The following AKAP9 variants were observed in gnomAD, a reference collection of about 807,000 sequenced individuals.
The protein encoded by AKAP9 is A-kinase anchor protein 9.
AKAP9 carries 311 observed loss-of-function variants against 488.5 expected under a neutral mutation model. That is an observed-to-expected ratio of 0.64 (90% CI 0.58 to 0.70). The LOEUF is 0.70. AKAP9 is among the 30% of genes least tolerant of loss of function. AKAP9 has a pLI of 0.00. For synonymous variants in AKAP9, 1,462 were observed against 1,483.5 expected (o/e 0.99, Z 0.33); for missense variants, 4,215 against 4,374.5 (o/e 0.96, Z 1.03).
chr7:92,092,944 C>G, intron 38 of AKAP9, 153 bp from the exon 39 acceptor site: 1 of 667,438 alleles, frequency 1.5e-6, no homozygotes, highest in South Asian at 1.9e-5. Flanking sequence ...AGCCACCATG[C>G]CTGGACTGCA....
intron 16 of AKAP9, among the ~76,000 whole-genome samples, chr7:92,034,497 T>G (rs1337202906): frequency 8.1e-5 from 6 of 74,038 alleles, no homozygotes; most frequent in African/African-American, 1.7e-4. Flanking sequence ...TATATATATA[T>G]ATTTTTTTTT....
intron 8 of AKAP9, among the ~76,000 whole-genome samples, chr7:92,004,790 C>T (rs935565223): frequency 1.3e-5 from 2 of 152,278 alleles, no homozygotes; most frequent in African/African-American, 4.8e-5. Flanking sequence ...TCCTCTTTTC[C>T]TAATTGAATA....
intron 3 of AKAP9, among the ~76,000 whole-genome samples, 162 bp downstream of exon 3, chr7:91,980,495 CT>C (rs60385804): frequency 4.1e-5 from 2 of 48,756 alleles, no homozygotes; most frequent in East Asian, 7.1e-4. Flanking sequence ...GTATTACTGA[CT>C]TTTTTTTTTT....
intron 35 of AKAP9, 36 bp downstream of exon 35, chr7:92,084,976 A>G (rs1814266735): frequency 2.5e-6 from 4 of 1,606,596 alleles, no homozygotes; most frequent in Admixed American, 1.7e-5. Context: ...TAACTCAGCC[A>G]GTGTTGTTTC....
chr7:92,005,142 C>A (rs1358570959), intron 8 of AKAP9, among the ~76,000 whole-genome samples: 2 of 152,170 alleles, frequency 1.3e-5, no homozygotes, highest in African/African-American at 4.8e-5. Context: ...GTATGTTGAA[C>A]CAGCCTTGCA....
At position 91,994,735 on chromosome 7, in the gene AKAP9, T is replaced by A. The variant is rs779570851; in HGVS notation, c.691T>A (p.Leu231Met). The A allele has an allele frequency of 1.2e-6, 2 of 1,612,482 alleles. No homozygotes were observed. The highest frequency in any genetic ancestry group is 2.7e-5 in the African/African-American group (2 of 74,942). The change falls in exon 6 of 50, where the codon TTG becomes ATG. Residue 231 changes from leucine (L) to methionine (M), a missense_variant. Leu to Met is a conservative substitution (Grantham distance 15). Around this residue, in one of 5 missense-constraint regions of AKAP9, gnomAD observed 2,361 missense variants for 2,430.0 expected, o/e 0.97. Transcript: ENST00000356239. ...TGAGACAATGAGAGAATTTTTAGAG[T>A]TGACAGAACAGAGTCAAAAATTACA... Reference protein sequence around the residue: ...KDETMREFLELTEQSQKLQIQ... With the variant: ...KDETMREFLEMTEQSQKLQIQ...
At chr7:92,049,824 T>A (rs1209272282) in intron 21 of AKAP9, among the ~76,000 whole-genome samples, 1 of 152,074 alleles carries the variant, frequency 6.6e-6, no homozygotes, top group African/African-American at 2.4e-5. Flanking sequence ...TGTCTATTTT[T>A]AAAAATTAGC....
intron 30 of AKAP9, among the ~76,000 whole-genome samples, chr7:92,078,336 T>C (rs1812967579): frequency 6.6e-6 from 1 of 152,102 alleles, no homozygotes; most frequent in Non-Finnish European, 1.5e-5. Context: ...TAAGACACAT[T>C]GGTGGCCAGG....
intron 22 of AKAP9, among the ~76,000 whole-genome samples, chr7:92,054,498 T>TA (rs1808457758): frequency 6.6e-6 from 1 of 152,050 alleles, no homozygotes; most frequent in Non-Finnish European, 1.5e-5. Context: ...TCTGACATGT[T>TA]AGAGTGTGGT....
chr7:91,994,255 A>G (rs1798123142), intron 5 of AKAP9, among the ~76,000 whole-genome samples: 1 of 152,228 alleles, frequency 6.6e-6, no homozygotes. Flanking sequence ...ATGAAGTAGG[A>G]CATTGATGAG....
At chr7:91,974,096 T>C (rs1795390482) in intron 2 of AKAP9, 128 bp downstream of exon 2, 1 of 1,102,418 alleles carries the variant, frequency 9.1e-7, no homozygotes, top group South Asian at 1.3e-5. Context: ...AGTAGTATGG[T>C]AACTAAACAG....
chr7:92,019,362 G>C (rs1024174021), intron 12 of AKAP9, among the ~76,000 whole-genome samples: 1 of 151,570 alleles, frequency 6.6e-6, no homozygotes, highest in African/African-American at 2.4e-5. Flanking sequence ...GGCTGGTCTC[G>C]AACTCTTGAC....
chr7:92,075,090 TA>T (rs113217081), intron 28 of AKAP9, among the ~76,000 whole-genome samples: 61,065 of 150,778 alleles, frequency 0.4, 12,637 homozygotes, highest in African/African-American at 0.47. Context: ...AGTCAAAAAT[TA>T]AAAAAAAAAT....
At chr7:91,956,787 A>G in intron 1 of AKAP9, among the ~76,000 whole-genome samples, 1 of 152,178 alleles carries the variant, frequency 6.6e-6, no homozygotes, top group East Asian at 1.9e-4. Context: ...AACGTGCTCT[A>G]AAAAAATAGA....
chr7:92,000,488 T>C (rs1004782130), intron 7 of AKAP9, among the ~76,000 whole-genome samples: 2 of 152,244 alleles, frequency 1.3e-5, no homozygotes, highest in African/African-American at 4.8e-5. Flanking sequence ...ACTTTAGCTA[T>C]AGAGAATACT....
intron 31 of AKAP9, among the ~76,000 whole-genome samples, chr7:92,080,767 T>C (rs1025220871): frequency 4.6e-5 from 7 of 152,156 alleles, no homozygotes; most frequent in Non-Finnish European, 1.0e-4. Flanking sequence ...CCAAATAAAA[T>C]ACAGAAATAG....
chr7:91,986,000 C>T (rs553565323), intron 3 of AKAP9, among the ~76,000 whole-genome samples: 1 of 152,220 alleles, frequency 6.6e-6, no homozygotes, highest in African/African-American at 2.4e-5. Flanking sequence ...GATACCAGCT[C>T]CTCTTTGTAC....
intron 6 of AKAP9, 114 bp from the exon 7 acceptor site, chr7:91,995,489 G>A (rs1798283756): frequency 5.8e-6 from 5 of 855,970 alleles, no homozygotes; most frequent in Non-Finnish European, 9.3e-6. Context: ...TGTTTGCTAG[G>A]GTCTCAAGCC....
intron 2 of AKAP9, among the ~76,000 whole-genome samples, chr7:91,975,362 A>G (rs1293796972): frequency 1.3e-5 from 2 of 152,152 alleles, no homozygotes; most frequent in African/African-American, 4.8e-5. Flanking sequence ...TTTTACTGCT[A>G]TTCTAAATAT....
Sources: gnomAD v4.1 joint callset for allele counts (sites outside exome capture counted in the v4.1 genomes callset) on GRCh38, gnomAD v4.1.1 for gene constraint, gnomAD v4.1.1 regional missense constraint, MANE v1.5 for transcripts, NCBI Gene and HGNC (gene_info 2026-07-23, HGNC 2026-07-21) for gene names.